The following PRDM11 variants were observed in gnomAD, a reference collection of about 807,000 sequenced individuals.
The protein encoded by PRDM11 is PR domain-containing protein 11.
In PRDM11, 20 loss-of-function variants were observed where a neutral mutation model predicts 97.8. The observed-to-expected ratio is 0.20, with a 90% CI of 0.14 to 0.30. The LOEUF (loss-of-function observed/expected upper bound fraction) is 0.30, where lower values mean the gene tolerates loss of function less well. PRDM11 is among the 10% of genes least tolerant of loss of function. The pLI, the probability that PRDM11 is intolerant of heterozygous loss-of-function variation, is 1.00. For missense variants in PRDM11, 1,139 were observed against 1,555.2 expected, an observed-to-expected ratio of 0.73 and a Z score of 4.50; for synonymous variants, 599 against 637.7, an observed-to-expected ratio of 0.94 and a Z score of 0.91.
chr11:45,186,086 C>A lies in PRDM11; in HGVS notation c.486+2963C>A, dbSNP rs61397395. On this transcript the variant is annotated intron_variant, in intron 4 of 7. Coordinates refer to ENST00000683152, the MANE Select transcript of PRDM11 (RefSeq NM_001384648.1). ...AGCTTCCTGAAAGAATGTGGCCCTGCCAACACCTTGATTGTAGGACTTCTG... is the reference window on the plus strand; with the variant it reads ...AGCTTCCTGAAAGAATGTGGCCCTGACAACACCTTGATTGTAGGACTTCTG... Among the ~76,000 whole-genome samples, 1,081 of 152,188 alleles carry A rather than the reference C, an allele frequency of 7.1e-3. 12 individuals carry two copies. Among genetic ancestry groups the A allele is most frequent in the African/African-American group, 0.025 (1,031 of 41,510 alleles).
chr11:45,215,483 A>G (rs1170212615), intron 5 of PRDM11, among the ~76,000 whole-genome samples: 6 of 152,216 alleles, frequency 3.9e-5, no homozygotes, highest in Non-Finnish European at 5.9e-5. Context: ...CCCAAGGTCA[A>G]TGTATGAAGC....
At chr11:45,096,007 T>G in intron 1 of PRDM11, 1 of 706,968 alleles carries the variant, frequency 1.4e-6, no homozygotes, top group Middle Eastern at 2.3e-4. Context: ...GGCCCCTGCT[T>G]GTTGTCATCT....
intron 4 of PRDM11, among the ~76,000 whole-genome samples, chr11:45,200,281 G>A (rs1288311625): frequency 6.6e-6 from 1 of 152,204 alleles, no homozygotes; most frequent in Non-Finnish European, 1.5e-5. Flanking sequence ...AGTCCTCTCT[G>A]TCCAGATGAA....
intron 5 of PRDM11, among the ~76,000 whole-genome samples, chr11:45,217,799 G>A (rs549334519): frequency 6.6e-4 from 101 of 152,334 alleles, no homozygotes; most frequent in African/African-American, 2.2e-3. Flanking sequence ...ACCTCATACT[G>A]GAATTGGCAT....
intron 1 of PRDM11, among the ~76,000 whole-genome samples, chr11:45,111,109 T>C (rs1852168327): frequency 1.3e-5 from 2 of 152,152 alleles, no homozygotes; most frequent in Admixed American, 6.5e-5. Flanking sequence ...GTCTCTTCTG[T>C]TTTTAAATCT....
intron 4 of PRDM11, among the ~76,000 whole-genome samples, chr11:45,201,189 A>C (rs1392045410): frequency 6.6e-6 from 1 of 152,250 alleles, no homozygotes; most frequent in Non-Finnish European, 1.5e-5. Context: ...GAAAATCATC[A>C]GTCAAATGTA....
At chr11:45,224,998 CAG>C in intron 7 of PRDM11, 155 bp downstream of exon 7, 2 of 1,494,902 alleles carry the variant, frequency 1.3e-6, no homozygotes, top group Non-Finnish European at 1.8e-6. Context: ...CCCAGGTCCT[CAG>C]TGTCTCTGGC....
At chr11:45,145,278 A>C (rs1851481102), upstream of PRDM11, among the ~76,000 whole-genome samples, 1 of 152,218 alleles carries the variant, frequency 6.6e-6, no homozygotes, top group Admixed American at 6.5e-5. Flanking sequence ...TGAGATTCCA[A>C]GAAGCTGTGT....
At chr11:45,163,780 A>G (rs1048752678) in intron 1 of PRDM11, among the ~76,000 whole-genome samples, 12 of 152,114 alleles carry the variant, frequency 7.9e-5, no homozygotes, top group African/African-American at 2.9e-4. Flanking sequence ...GCAGACCAAT[A>G]CTTCCTCAGC....
intron 7 of PRDM11, 176 bp downstream of exon 7, chr11:45,225,019 C>T (rs3740784): frequency 0.12 from 172,375 of 1,460,018 alleles, 11,448 homozygotes; most frequent in Admixed American, 0.3. Context: ...GCAGACCCAT[C>T]GGCAGCTCTG....
upstream of PRDM11, among the ~76,000 whole-genome samples, chr11:45,094,391 C>T (rs1050252503): frequency 6.6e-6 from 1 of 151,438 alleles, no homozygotes; most frequent in Non-Finnish European, 1.5e-5. Context: ...CTGCCCAGTG[C>T]TGCCCCAGCT....
intron 1 of PRDM11, among the ~76,000 whole-genome samples, chr11:45,132,438 A>G (rs1273640028): frequency 6.6e-6 from 1 of 152,228 alleles, no homozygotes. Flanking sequence ...TGTTTTGCTC[A>G]TGGTTTTTGT....
chr11:45,193,983 T>C (rs1044115587), intron 4 of PRDM11, among the ~76,000 whole-genome samples: 1 of 152,200 alleles, frequency 6.6e-6, no homozygotes, highest in Non-Finnish European at 1.5e-5. Context: ...CTTTTCTACA[T>C]TTTGAGGCTT....
intron 1 of PRDM11, among the ~76,000 whole-genome samples, chr11:45,114,415 A>C (rs1288219366): frequency 6.6e-6 from 1 of 152,176 alleles, no homozygotes; most frequent in East Asian, 1.9e-4. Context: ...AAAGGTTTGA[A>C]ATAAACTAAA....
At position 45,101,567 on chromosome 11, in the gene PRDM11, A is replaced by AAAAAAAAAG. The variant is rs767802218; in HGVS notation, c.96+5668_96+5669insAAAAAAGAA. ...CAACACTCTGTCTCAAAAAAAAAAAAAAGAAGAAGAAGAAGAAGAAGAAGA... is the reference window on the plus strand; with the variant it reads ...CAACACTCTGTCTCAAAAAAAAAAAAAAAAAAAAGAAGAAGAAGAAGAAGAAGAAGAAGA... On this transcript the variant is annotated intron_variant, in intron 1 of 6. Transcript: ENST00000530656. 7.6e-4 allele frequency among the ~76,000 whole-genome samples: 74 copies of AAAAAAAAAG among 96,858 alleles called. 4 individuals are homozygous for AAAAAAAAAG. The highest frequency in any genetic ancestry group is 5.7e-3 in the Middle Eastern group (1 of 174). 63.5% of individuals were successfully genotyped at this position (96,858 alleles called of 152,430 possible).
intron 1 of PRDM11, among the ~76,000 whole-genome samples, chr11:45,165,956 G>T (rs1162491905): frequency 6.6e-6 from 1 of 152,118 alleles, no homozygotes; most frequent in Non-Finnish European, 1.5e-5. Context: ...GCTTTGCATT[G>T]CACAGACTCC....
intron 4 of PRDM11, among the ~76,000 whole-genome samples, chr11:45,200,706 G>T (rs951404977): frequency 2.6e-5 from 4 of 152,164 alleles, no homozygotes; most frequent in African/African-American, 9.7e-5. Flanking sequence ...AAAATCCAGG[G>T]TTCTCTGAGA....
intron 1 of PRDM11, among the ~76,000 whole-genome samples, chr11:45,155,035 T>A (rs1851757733): frequency 1.3e-5 from 2 of 151,578 alleles, no homozygotes; most frequent in South Asian, 4.2e-4. Context: ...GAAAGGGGGG[T>A]AGTGGCCGGT....
chr11:45,118,322 G>A (rs1157148308), intron 1 of PRDM11, among the ~76,000 whole-genome samples: 1 of 152,200 alleles, frequency 6.6e-6, no homozygotes, highest in Non-Finnish European at 1.5e-5. Flanking sequence ...TTGATTAACT[G>A]TAACAAATAT....
Sources: gnomAD v4.1 joint callset for allele counts (sites outside exome capture counted in the v4.1 genomes callset) on GRCh38, gnomAD v4.1.1 for gene constraint, MANE v1.5 for transcripts, NCBI Gene and HGNC (gene_info 2026-07-23, HGNC 2026-07-21) for gene names.